PDE6B: variants seen among roughly 807,000 people sequenced by gnomAD.
The protein encoded by PDE6B is rod cGMP-specific 3',5'-cyclic phosphodiesterase subunit beta.
Under a neutral mutation model 109.0 loss-of-function variants are expected in PDE6B, and 106 were observed. The ratio of observed to expected loss-of-function variants is 0.97; its 90% CI spans 0.83 to 1.14. The LOEUF is 1.14. Among genes scored for constraint, PDE6B ranks in the 50% most tolerant of loss-of-function variants. The pLI, the probability that PDE6B is intolerant of heterozygous loss-of-function variation, is 0.00. For synonymous variants in PDE6B, 490 were observed against 471.3 expected, an observed-to-expected ratio of 1.04 and a Z score of -0.51; for missense variants, 1,193 against 1,155.6, an observed-to-expected ratio of 1.03 and a Z score of -0.47.
At chr4:652,248 CT>C (rs1305128184) in intron 3 of PDE6B, 1 of 152,714 alleles carries the variant, frequency 6.5e-6, no homozygotes, top group Non-Finnish European at 1.5e-5. Context: ...GAGGGAGGGA[CT>C]CTGGGAACAG....
intron 2 of PDE6B, 144 bp downstream of exon 2, chr4:634,973 G>C: frequency 1.5e-6 from 1 of 660,422 alleles, no homozygotes; most frequent in Non-Finnish European, 2.8e-6. Context: ...CTCCTTACCT[G>C]CCTGCCCGCG....
At chr4:630,362 A>G (rs1361476339) in intron 1 of PDE6B, among the ~76,000 whole-genome samples, 1 of 152,100 alleles carries the variant, frequency 6.6e-6, no homozygotes, top group African/African-American at 2.4e-5. Context: ...CCAGGCTGGG[A>G]CCAGGGTGGC....
chr4:654,014 G>A (rs1328715499), intron 4 of PDE6B, 22 bp downstream of exon 4: 2 of 1,613,718 alleles, frequency 1.2e-6, no homozygotes, highest in Non-Finnish European at 1.7e-6. Context: ...GTGGCTCAGG[G>A]ACCCCCTGCC....
intron 1 of PDE6B, among the ~76,000 whole-genome samples, chr4:628,829 G>A (rs1734243334): frequency 6.6e-6 from 1 of 152,192 alleles, no homozygotes; most frequent in Admixed American, 6.5e-5. Flanking sequence ...TCAGCTGATG[G>A]CTCCAAGTCC....
chr4:642,515 C>T (rs541936752), intron 3 of PDE6B, among the ~76,000 whole-genome samples: 60 of 151,334 alleles, frequency 4.0e-4, no homozygotes, highest in African/African-American at 1.4e-3. Flanking sequence ...ATGACATCAC[C>T]CAGCATGGTG....
Position 652,608 on chromosome 4 carries a change from AAATAAG to A in PDE6B, c.712-1234_712-1229del, listed in dbSNP as rs1324119388. ...TGATGTGGGAAAAGTTTTAAATTAA[AAATAAG>A]AATAAGAATGTAAAACAATACAGTA... is the stretch of plus-strand genomic sequence containing the variant. On this transcript the variant is annotated intron_variant, in intron 3 of 21. Coordinates refer to ENST00000496514, the MANE Select transcript of PDE6B (RefSeq NM_000283.4). 16 of 456,430 alleles carry A rather than the reference AAATAAG, an allele frequency of 3.5e-5. No individual in the cohort carries two copies. In the East Asian group the frequency reaches 1.1e-3, roughly 31 times the overall value. The allele number at this position is 456,430 out of a possible 1,614,324, so 28.3% of individuals were successfully genotyped here.
At chr4:656,113 G>C in intron 7 of PDE6B, 107 bp downstream of exon 7, 1 of 1,007,264 alleles carries the variant, frequency 9.9e-7, no homozygotes, top group East Asian at 2.4e-5. Flanking sequence ...CCAGCTCCAC[G>C]TGCCTCAGTG....
intron 3 of PDE6B, among the ~76,000 whole-genome samples, chr4:641,517 C>T (rs952881073): frequency 4.6e-5 from 7 of 152,250 alleles, no homozygotes; most frequent in Non-Finnish European, 8.8e-5. Flanking sequence ...GTCACAGCCA[C>T]ACTTTTAAAA....
At position 628,417 on chromosome 4, in the gene PDE6B, G is replaced by A. The variant is rs539530266; in HGVS notation, c.468+2323G>A. Among the ~76,000 whole-genome samples the A allele has an allele frequency of 5.3e-5, 8 of 152,230 alleles. No homozygotes were observed. In the South Asian group the frequency reaches 1.2e-3, roughly 24 times the overall value. On this transcript the variant is annotated intron_variant, in intron 1 of 21. Transcript: ENST00000496514. ...CGTGGGTGGCCAGCACGCAACACCC[G>A]GGCCACCCGGAGTCTCACCCTCCTG...
Position 665,442 on chromosome 4 carries a change from G to T in PDE6B, c.2268+113G>T. On this transcript the variant is annotated intron_variant, in intron 19 of 21. Coordinates refer to ENST00000496514, the MANE Select transcript of PDE6B (RefSeq NM_000283.4). This position sits in a 1 kb window ranked among gnomAD's most constrained non-coding sequence, Gnocchi z 4.0. ...CTCAGGCAGGGGGTTCTGAGGTCGT[G>T]GGGTCCTTATCTCACTTTGTGGGAT... 4.0e-6 allele frequency: 3 copies of T among 749,954 alleles called. No homozygotes were observed. The highest frequency in any genetic ancestry group is 2.0e-5 in the Admixed American group (1 of 50,542). 46.5% of individuals were successfully genotyped at this position (749,954 alleles called of 1,614,324 possible).
chr4:664,443 G>A (rs771507008), intron 17 of PDE6B, among the ~76,000 whole-genome samples: 45 of 152,202 alleles, frequency 3.0e-4, no homozygotes, highest in Non-Finnish European at 5.3e-4. Context: ...GCATTGGTCT[G>A]TAGCCCTTGG....
At chr4:651,870 A>AT (rs1319055951) in intron 3 of PDE6B, 3 of 144,104 alleles carry the variant, frequency 2.1e-5, no homozygotes, top group African/African-American at 5.1e-5. Context: ...TCACACGGGC[A>AT]TGGGGCCAAA....
intron 3 of PDE6B, among the ~76,000 whole-genome samples, chr4:650,876 A>G (rs886517931): frequency 2.6e-5 from 4 of 152,232 alleles, no homozygotes; most frequent in Non-Finnish European, 5.9e-5. Flanking sequence ...AGACGCCTGC[A>G]CTTCAGTCAG....
rs1560105372 is a variant in PDE6B, at chr4:636,042, G to A, written c.711+73G>A. 2.3e-6 allele frequency: 2 copies of A among 883,720 alleles called. No individual in the cohort carries two copies. Among genetic ancestry groups the A allele is most frequent in the East Asian group, 4.8e-5 (2 of 41,592 alleles). 54.7% of individuals were successfully genotyped at this position (883,720 alleles called of 1,614,324 possible). A position where few individuals can be genotyped will look rare whatever the true frequency, so the allele number is the denominator to read the frequency against. ...CCGCCCATCTCGCTGCCTGCACAGA[G>A]GCGGGTGGTGGCAGGTGGTCTTGTG... On this transcript the variant is annotated intron_variant, in intron 3 of 21. Transcript: ENST00000496514. This position sits in a 1 kb window ranked among gnomAD's most constrained non-coding sequence, Gnocchi z 4.5.
chr4:642,989 C>T (rs918736632), intron 3 of PDE6B, among the ~76,000 whole-genome samples: 7 of 152,046 alleles, frequency 4.6e-5, no homozygotes, highest in African/African-American at 1.2e-4. Context: ...ATTGTTAAAT[C>T]GGTCTTGCCA....
intron 3 of PDE6B, among the ~76,000 whole-genome samples, chr4:641,636 C>CGTTTTTT (rs975624770): frequency 1.3e-5 from 2 of 151,566 alleles, no homozygotes; most frequent in African/African-American, 2.4e-5. Flanking sequence ...CAGAGACACA[C>CGTTTTTT]GTTTTTTGTT....
chr4:633,139 G>A lies in PDE6B; in HGVS notation c.469-1538G>A, dbSNP rs1313465620. On this transcript the variant is annotated intron_variant, in intron 1 of 21. Coordinates refer to ENST00000496514, the MANE Select transcript of PDE6B (RefSeq NM_000283.4). The surrounding 1 kb of genome is among the most constrained non-coding windows in gnomAD (Gnocchi z 4.5). ...GAGTGTGCTGTGCTTGGCCTCAGGGGACACAGGTGCAGAGATGAGCCCTCG... is the reference window on the plus strand; with the variant it reads ...GAGTGTGCTGTGCTTGGCCTCAGGGAACACAGGTGCAGAGATGAGCCCTCG... Among the ~76,000 whole-genome samples, 1 of 152,126 alleles carries A rather than the reference G, an allele frequency of 6.6e-6. No individual in the cohort carries two copies. Among genetic ancestry groups the A allele is most frequent in the African/African-American group, 2.4e-5 (1 of 41,420 alleles).
intron 3 of PDE6B, among the ~76,000 whole-genome samples, chr4:643,027 AAGCCG>A (rs1161908044): frequency 2.0e-5 from 3 of 152,006 alleles, no homozygotes; most frequent in African/African-American, 7.2e-5. Context: ...TGGCATCTAT[AAGCCG>A]GGTGTGGTGG....
Position 648,445 on chromosome 4 carries a change from CCTGCACTTCGT to C in PDE6B, c.712-5402_712-5392del, listed in dbSNP as rs1417033527. Among the ~76,000 whole-genome samples, 1 of 150,512 alleles carries C rather than the reference CCTGCACTTCGT, an allele frequency of 6.6e-6. No homozygotes were observed. The highest frequency in any genetic ancestry group is 1.5e-5 in the Non-Finnish European group (1 of 68,016). On this transcript the variant is annotated intron_variant, in intron 3 of 21. Transcript: ENST00000496514. The surrounding 1 kb of genome is among the most constrained non-coding windows in gnomAD (Gnocchi z 4.5). ...ATTGGCCCCCGCAGTCCGCCCAACG[CCTGCACTTCGT>C]CTGCCTCCTCCTTGAGCTGTGGAAG...
Sources: allele counts gnomAD v4.1 joint callset (sites outside exome capture counted in the v4.1 genomes callset), GRCh38; gene constraint gnomAD v4.1.1; non-coding constraint Gnocchi (gnomAD v3.1); transcripts MANE v1.5; gene names NCBI Gene and HGNC (gene_info 2026-07-23, HGNC 2026-07-21).